PGM5: variants seen among roughly 807,000 people sequenced by gnomAD.
PGM5 encodes phosphoglucomutase 5, also known as phosphoglucomutase-like protein 5.
Under a neutral mutation model 59.2 loss-of-function variants are expected in PGM5, and 23 were observed. That is an observed-to-expected ratio of 0.39 (90% CI 0.28 to 0.55). The LOEUF is 0.55. Among genes scored for constraint, PGM5 ranks in the 20% least tolerant of loss-of-function variants. The probability of loss-of-function intolerance (pLI) is 0.66; values close to 1 mark genes in which losing one functional copy is unlikely to be tolerated. For missense variants in PGM5, 574 were observed against 748.3 expected (o/e 0.77, Z 2.72); for synonymous variants, 214 against 286.0 (o/e 0.75, Z 2.54).
At chr9:68,450,875 A>C (rs1329979220) in intron 6 of PGM5, among the ~76,000 whole-genome samples, 2 of 152,212 alleles carry the variant, frequency 1.3e-5, no homozygotes, top group African/African-American at 2.4e-5. Flanking sequence ...TGACAGAGAA[A>C]ATGTGAGCTG....
At chr9:68,527,838 T>C (rs1825012002) in intron 10 of PGM5, among the ~76,000 whole-genome samples, 1 of 152,240 alleles carries the variant, frequency 6.6e-6, no homozygotes, top group Admixed American at 6.5e-5. Context: ...ACAGCTGTGA[T>C]GTCACCTTTC....
At chr9:68,389,679 G>T (rs1822317424) in intron 4 of PGM5, among the ~76,000 whole-genome samples, 1 of 152,034 alleles carries the variant, frequency 6.6e-6, no homozygotes, top group African/African-American at 2.4e-5. Context: ...TTTTCTTCTA[G>T]TTGTTGGCTA....
At chr9:68,431,454 A>G (rs10868803) in intron 6 of PGM5, among the ~76,000 whole-genome samples, 76,512 of 151,974 alleles carry the variant, frequency 0.5, 19,539 homozygotes, top group South Asian at 0.56. Context: ...AAATACTCAG[A>G]TAGTAATATT....
chr9:68,389,559 T>A (rs1822313857), intron 4 of PGM5, among the ~76,000 whole-genome samples: 1 of 152,162 alleles, frequency 6.6e-6, no homozygotes, highest in African/African-American at 2.4e-5. Flanking sequence ...ACATTCCTGG[T>A]GTTGCATGTA....
intron 6 of PGM5, among the ~76,000 whole-genome samples, chr9:68,408,801 A>G (rs1173937298): frequency 1.3e-5 from 2 of 152,158 alleles, no homozygotes; most frequent in African/African-American, 4.8e-5. Context: ...ATGACTAGCC[A>G]GTTTTCCCAG....
intron 2 of PGM5, among the ~76,000 whole-genome samples, chr9:68,379,446 AT>A (rs1274989476): frequency 2.0e-5 from 3 of 152,206 alleles, no homozygotes; most frequent in African/African-American, 7.2e-5. Flanking sequence ...AAGTGTATTC[AT>A]GTTGAATATT....
At chr9:68,513,572 T>G (rs1472559287) in intron 10 of PGM5, among the ~76,000 whole-genome samples, 1 of 152,200 alleles carries the variant, frequency 6.6e-6, no homozygotes, top group Non-Finnish European at 1.5e-5. Context: ...TGCTGTGACA[T>G]TGCATGTCCC....
At chr9:68,429,915 G>A (rs1348930510) in intron 6 of PGM5, among the ~76,000 whole-genome samples, 4 of 152,178 alleles carry the variant, frequency 2.6e-5, no homozygotes, top group Non-Finnish European at 5.9e-5. Flanking sequence ...GTCCTCTGTC[G>A]CACAGGGAAG....
Position 68,437,634 on chromosome 9 carries a change from T to TA in PGM5, c.1044-27458dup, listed in dbSNP as rs1823461445. Among the ~76,000 whole-genome samples the TA allele has an allele frequency of 6.6e-6, 1 of 152,084 alleles. No homozygotes were observed. Among genetic ancestry groups the TA allele is most frequent in the Non-Finnish European group, 1.5e-5 (1 of 68,000 alleles). ...ATTTTACCCACACATGCATATACTG[T>TA]ATATACACACCCACAATACTTTGTA... On this transcript the variant is annotated intron_variant, in intron 6 of 10. Transcript: ENST00000396396. This position sits in a 1 kb window ranked among gnomAD's most constrained non-coding sequence, Gnocchi z 4.1.
At chr9:68,477,200 A>G (rs1824122031) in intron 7 of PGM5, among the ~76,000 whole-genome samples, 1 of 152,232 alleles carries the variant, frequency 6.6e-6, no homozygotes. Context: ...AGAGGCAACC[A>G]CAACTGGACA....
chr9:68,413,576 AG>A (rs1822972161), intron 6 of PGM5, among the ~76,000 whole-genome samples: 1 of 152,242 alleles, frequency 6.6e-6, no homozygotes, highest in South Asian at 2.1e-4. Context: ...GGAAAAGTAA[AG>A]TTTGTATCTG....
intron 6 of PGM5, chr9:68,398,532 G>T (rs115453692): frequency 6.6e-6 from 1 of 152,146 alleles, no homozygotes; most frequent in East Asian, 1.9e-4. Context: ...GCCTAGTGAG[G>T]TCTGGAGTTG....
rs1004822287 is a variant in PGM5, at chr9:68,468,621, C to A, written c.1159+3413C>A. 2.0e-5 allele frequency among the ~76,000 whole-genome samples: 3 copies of A among 152,172 alleles called. No individual in the cohort carries two copies. The East Asian group carries it at 5.8e-4, about 29-fold the overall frequency. On this transcript the variant is annotated intron_variant, in intron 7 of 10. Transcript: ENST00000396396. ...AGAATACAAAATGCTCAACACCACA[C>A]CCTTCAGAATTTTCTAATAATTTCC...
At chr9:68,489,609 C>T (rs1817745306) in intron 9 of PGM5, among the ~76,000 whole-genome samples, 1 of 151,826 alleles carries the variant, frequency 6.6e-6, no homozygotes, top group Admixed American at 6.6e-5. Flanking sequence ...GGGCTACAGG[C>T]GTGCACCACC....
intron 9 of PGM5, among the ~76,000 whole-genome samples, chr9:68,484,250 T>G (rs1425715740): frequency 6.6e-6 from 1 of 151,790 alleles, no homozygotes. Flanking sequence ...GGGCTTTCTG[T>G]GGCCAGGCAC....
chr9:68,440,937 A>G lies in PGM5; in HGVS notation c.1044-24156A>G, dbSNP rs564441997. On this transcript the variant is annotated intron_variant, in intron 6 of 10. Transcript: ENST00000396396. Reference sequence around the variant, plus strand: ...TAGCAAGACCAACAAAGATGAAAAGAGAGAAGACACAAATTATAAACATCA... The same window carrying G: ...TAGCAAGACCAACAAAGATGAAAAGGGAGAAGACACAAATTATAAACATCA... Among the ~76,000 whole-genome samples, 4 of 152,216 alleles carry G rather than the reference A, an allele frequency of 2.6e-5. No homozygotes were observed. The South Asian group carries it at 8.3e-4, about 32-fold the overall frequency.
intron 6 of PGM5, among the ~76,000 whole-genome samples, chr9:68,407,281 C>T (rs1320963122): frequency 6.6e-6 from 1 of 152,046 alleles, no homozygotes; most frequent in Non-Finnish European, 1.5e-5. Flanking sequence ...ACATGCACCA[C>T]CCTACCTGGC....
At chr9:68,466,230 A>T in intron 7 of PGM5, 1 of 1,220,954 alleles carries the variant, frequency 8.2e-7, no homozygotes, top group Non-Finnish European at 1.1e-6. Flanking sequence ...CAATCTGCTG[A>T]TGAGCCTGTT....
At chr9:68,492,129 T>C (rs1824401896) in intron 9 of PGM5, among the ~76,000 whole-genome samples, 1 of 152,114 alleles carries the variant, frequency 6.6e-6, no homozygotes, top group Non-Finnish European at 1.5e-5. Context: ...AATATAAATA[T>C]AAAAGAGAAA....
Sources: allele counts gnomAD v4.1 joint callset (sites outside exome capture counted in the v4.1 genomes callset), GRCh38; gene constraint gnomAD v4.1.1; non-coding constraint Gnocchi (gnomAD v3.1); transcripts MANE v1.5; gene names NCBI Gene and HGNC (gene_info 2026-07-23, HGNC 2026-07-21).